ARMC9: variants seen among roughly 807,000 people sequenced by gnomAD.
ARMC9 encodes the protein armadillo repeat containing 9.
Under a neutral mutation model 107.0 loss-of-function variants are expected in ARMC9, and 94 were observed. The ratio of observed to expected loss-of-function variants is 0.88; its 90% CI spans 0.74 to 1.04. The LOEUF is 1.04. ARMC9 is among the 50% of genes least tolerant of loss of function. The probability of loss-of-function intolerance (pLI) is 0.00; values close to 1 mark genes in which losing one functional copy is unlikely to be tolerated. For synonymous variants in ARMC9, 380 were observed against 396.9 expected (o/e 0.96, Z 0.51); for missense variants, 942 against 1,030.1 (o/e 0.91, Z 1.17).
chr2:231,203,621 C>T (rs2031451449), intron 1 of ARMC9, among the ~76,000 whole-genome samples: 1 of 151,906 alleles, frequency 6.6e-6, no homozygotes, highest in African/African-American at 2.4e-5. Context: ...GAGGATTGAG[C>T]CCAGGAGTTC....
chr2:231,370,115 G>A lies in ARMC9; in HGVS notation c.2424G>A (p.Arg808=). The A allele has an allele frequency of 2.6e-6, 4 of 1,527,398 alleles. No homozygotes were observed. The highest frequency in any genetic ancestry group is 3.5e-6 in the Non-Finnish European group (4 of 1,141,352). The allele number at this position is 1,527,398 out of a possible 1,614,324, so 94.6% of individuals were successfully genotyped here. A position where few individuals can be genotyped will look rare whatever the true frequency, so the allele number is the denominator to read the frequency against. ...SRPGSTASST[R]GLPSSQSHRK ...CCGGCTCCACAGCGTCCTCCACAAG[G>A]GGCCTGCCGAGTAAGTCAGCCTGGG... Residue 808 remains arginine (R), a synonymous_variant, in exon 24 of 25, where the codon AGG becomes AGA. Transcript: ENST00000611582.
intron 20 of ARMC9, among the ~76,000 whole-genome samples, chr2:231,337,557 C>T (rs1229007888): frequency 8.6e-5 from 12 of 138,982 alleles, no homozygotes; most frequent in Middle Eastern, 3.5e-3. Flanking sequence ...GCAAGCTCCA[C>T]CTCCCGGGTT....
At chr2:231,253,004 GA>G (rs1279096005) in intron 9 of ARMC9, among the ~76,000 whole-genome samples, 1 of 152,052 alleles carries the variant, frequency 6.6e-6, no homozygotes, top group Admixed American at 6.5e-5. Flanking sequence ...CCAACAACAG[GA>G]ATAGGTAATT....
At chr2:231,296,317 T>A in intron 19 of ARMC9, 64 bp downstream of exon 19, 1 of 1,352,362 alleles carries the variant, frequency 7.4e-7, no homozygotes, top group Non-Finnish European at 1.0e-6. Flanking sequence ...CTTTCCTGCC[T>A]TGACAAGTTA....
chr2:231,205,369 CAAAA>C (rs966954562), intron 1 of ARMC9, among the ~76,000 whole-genome samples: 1 of 149,212 alleles, frequency 6.7e-6, no homozygotes, highest in Non-Finnish European at 1.5e-5. Flanking sequence ...GATCCCATCT[CAAAA>C]AAAAAATTCG....
intron 12 of ARMC9, among the ~76,000 whole-genome samples, chr2:231,266,028 A>G (rs995936993): frequency 1.8e-4 from 28 of 151,994 alleles, no homozygotes; most frequent in African/African-American, 6.3e-4. Flanking sequence ...AAATGAGTTG[A>G]AGTTCTCTTA....
chr2:231,306,717 A>G lies in ARMC9; in HGVS notation c.1773+10464A>G, dbSNP rs115445409. 5.1e-3 allele frequency among the ~76,000 whole-genome samples: 783 copies of G among 152,176 alleles called. 7 individuals carry two copies. The highest frequency in any genetic ancestry group is 0.018 in the African/African-American group (737 of 41,514). Reference sequence around the variant, plus strand: ...TGTCCAAGCAGTCAAGAGTAACAAGATCTTCCAAGTGAGGCCTAAGAACTC... The same window carrying G: ...TGTCCAAGCAGTCAAGAGTAACAAGGTCTTCCAAGTGAGGCCTAAGAACTC... On this transcript the variant is annotated intron_variant, in intron 19 of 24. Coordinates refer to ENST00000611582, the MANE Select transcript of ARMC9 (RefSeq NM_001352754.2).
intron 17 of ARMC9, 61 bp from the exon 18 acceptor site, chr2:231,291,292 T>G: frequency 7.2e-7 from 1 of 1,391,146 alleles, no homozygotes; most frequent in African/African-American, 1.4e-5. Flanking sequence ...ATGACCTCAT[T>G]GAAAAGTAGT....
intron 17 of ARMC9, among the ~76,000 whole-genome samples, chr2:231,285,438 G>A (rs1376339238): frequency 6.6e-6 from 1 of 151,968 alleles, no homozygotes; most frequent in Non-Finnish European, 1.5e-5. Context: ...CTGAGGTCAG[G>A]AGTTCGAGAC....
chr2:231,230,288 A>G (rs2035086591), intron 7 of ARMC9, among the ~76,000 whole-genome samples: 1 of 152,012 alleles, frequency 6.6e-6, no homozygotes, highest in Non-Finnish European at 1.5e-5. Flanking sequence ...GTTTGAGCCC[A>G]GGAGTTGCAG....
intron 12 of ARMC9, among the ~76,000 whole-genome samples, chr2:231,264,829 G>A (rs1246907254): frequency 6.6e-6 from 1 of 152,050 alleles, no homozygotes; most frequent in African/African-American, 2.4e-5. Flanking sequence ...ATGAGCTGCT[G>A]GGCACAGTGG....
At chr2:231,298,091 C>T (rs2041492151) in intron 19 of ARMC9, among the ~76,000 whole-genome samples, 1 of 152,204 alleles carries the variant, frequency 6.6e-6, no homozygotes, top group Non-Finnish European at 1.5e-5. Flanking sequence ...TTATAATTTT[C>T]TGGACTTTTG....
At chr2:231,231,347 TA>T (rs1401721457) in intron 7 of ARMC9, among the ~76,000 whole-genome samples, 1 of 152,232 alleles carries the variant, frequency 6.6e-6, no homozygotes, top group East Asian at 1.9e-4. Flanking sequence ...AGTTTTAACT[TA>T]TCTAATTTTG....
chr2:231,243,449 C>T (rs1003298642), intron 9 of ARMC9, among the ~76,000 whole-genome samples: 7 of 151,958 alleles, frequency 4.6e-5, no homozygotes, highest in Admixed American at 6.6e-5. Context: ...TTATTAAGCA[C>T]GGTTTAAAAA....
Position 231,317,527 on chromosome 2 carries a change from G to GT in ARMC9, c.1774-14253dup, listed in dbSNP as rs561804646. On this transcript the variant is annotated intron_variant, in intron 19 of 24. Coordinates refer to ENST00000611582, the MANE Select transcript of ARMC9 (RefSeq NM_001352754.2). ...TTTTTTTGTGTGTGTTTGTTTTGGGGTTTTTTTTTTTTTAAACCAAATTTG... is the reference window on the plus strand; with the variant it reads ...TTTTTTTGTGTGTGTTTGTTTTGGGGTTTTTTTTTTTTTTAAACCAAATTTG... 1.8e-3 allele frequency among the ~76,000 whole-genome samples: 255 copies of GT among 143,234 alleles called. 1 individual carries two copies. Among genetic ancestry groups the GT allele is most frequent in the Middle Eastern group, 3.6e-3 (1 of 278 alleles). 94.0% of individuals were successfully genotyped at this position (143,234 alleles called of 152,430 possible).
chr2:231,308,358 A>C (rs1242753109), intron 19 of ARMC9, among the ~76,000 whole-genome samples: 1 of 152,202 alleles, frequency 6.6e-6, no homozygotes, highest in Non-Finnish European at 1.5e-5. Context: ...TAGGGTCCCA[A>C]GGCAGTAGCT....
At chr2:231,243,246 CAA>C (rs993079189) in intron 9 of ARMC9, among the ~76,000 whole-genome samples, 10 of 109,068 alleles carry the variant, frequency 9.2e-5, no homozygotes, top group Admixed American at 1.0e-4. Flanking sequence ...GACTCCGTCT[CAA>C]AAAAAAAAAA....
intron 24 of ARMC9, among the ~76,000 whole-genome samples, chr2:231,371,278 A>C (rs1027806389): frequency 2.0e-5 from 3 of 152,210 alleles, no homozygotes; most frequent in Non-Finnish European, 2.9e-5. Context: ...CTGTGGGCTC[A>C]ACAAACACGT....
At chr2:231,234,794 T>G (rs1308911189) in intron 7 of ARMC9, among the ~76,000 whole-genome samples, 1 of 152,104 alleles carries the variant, frequency 6.6e-6, no homozygotes, top group African/African-American at 2.4e-5. Context: ...TTAGTAGAGA[T>G]GGGATTTTAC....
Sources: gnomAD v4.1 joint callset for allele counts (sites outside exome capture counted in the v4.1 genomes callset) on GRCh38, gnomAD v4.1.1 for gene constraint, MANE v1.5 for transcripts, NCBI Gene and HGNC (gene_info 2026-07-23, HGNC 2026-07-21) for gene names.